The following SRGAP2B variants were observed in gnomAD, a reference collection of about 807,000 sequenced individuals.
The protein encoded by SRGAP2B is SLIT-ROBO Rho GTPase-activating protein 2B.
In SRGAP2B, 9 loss-of-function variants were observed where a neutral mutation model predicts 22.2. The observed-to-expected ratio is 0.41, with a 90% CI of 0.24 to 0.71. The LOEUF is 0.71. SRGAP2B is among the 30% of genes least tolerant of loss of function. The pLI, the probability that SRGAP2B is intolerant of heterozygous loss-of-function variation, is 0.35. For missense variants in SRGAP2B, 114 were observed against 235.8 expected (o/e 0.48, Z 3.38); for synonymous variants, 36 against 87.4 (o/e 0.41, Z 3.28).
At chr1:144,987,814 G>A (rs1195430988) in intron 3 of SRGAP2B, among the ~76,000 whole-genome samples, 1 of 150,850 alleles carries the variant, frequency 6.6e-6, no homozygotes, top group Non-Finnish European at 1.5e-5. Context: ...GTTATCTTTT[G>A]CAACACAAAA....
At chr1:144,920,212 T>C (rs1198616432) in intron 4 of SRGAP2B, among the ~76,000 whole-genome samples, 5 of 151,056 alleles carry the variant, frequency 3.3e-5, no homozygotes, top group Admixed American at 2.6e-4. Context: ...GCTTCACCTC[T>C]ACTTATGTGC....
intron 2 of SRGAP2B, among the ~76,000 whole-genome samples, chr1:145,010,902 C>T: frequency 8.4e-6 from 1 of 118,778 alleles, no homozygotes; most frequent in Admixed American, 8.8e-5. Flanking sequence ...CTCTTATTTT[C>T]CGTATCATCA....
intron 2 of SRGAP2B, among the ~76,000 whole-genome samples, chr1:144,995,654 TC>T (rs1368312118): frequency 2.9e-5 from 4 of 137,630 alleles, no homozygotes; most frequent in African/African-American, 1.2e-4. Flanking sequence ...AAGCTGGGAT[TC>T]AAACCCCAAG....
chr1:144,905,739 G>A, intron 6 of SRGAP2B, 120 bp downstream of exon 6: 2 of 704,720 alleles, frequency 2.8e-6, no homozygotes, highest in Non-Finnish European at 5.2e-6. Flanking sequence ...CAGTCATTAG[G>A]CACTAAAAGA....
chr1:145,009,013 A>G (rs1361757428), intron 2 of SRGAP2B, among the ~76,000 whole-genome samples: 2 of 144,808 alleles, frequency 1.4e-5, no homozygotes, highest in African/African-American at 5.3e-5. Flanking sequence ...CTACTAAAAA[A>G]AAAATACAAA....
At chr1:144,942,562 G>A (rs1469662259) in intron 4 of SRGAP2B, among the ~76,000 whole-genome samples, 2 of 150,754 alleles carry the variant, frequency 1.3e-5, no homozygotes, top group Non-Finnish European at 2.9e-5. Flanking sequence ...TGAGATTACA[G>A]GAATACACCA....
chr1:144,993,818 T>A (rs1670445100), intron 3 of SRGAP2B, among the ~76,000 whole-genome samples: 2 of 146,438 alleles, frequency 1.4e-5, no homozygotes, highest in Non-Finnish European at 3.0e-5. Context: ...GAAGATTAAC[T>A]CCGATCACAA....
intron 3 of SRGAP2B, among the ~76,000 whole-genome samples, chr1:144,967,332 G>T (rs1215731179): frequency 2.1e-4 from 19 of 88,486 alleles, no homozygotes; most frequent in African/African-American, 6.6e-4. Flanking sequence ...TCAGGATTAA[G>T]AATCTCACTC....
At chr1:144,974,969 G>T (rs1668787322) in intron 3 of SRGAP2B, among the ~76,000 whole-genome samples, 1 of 149,068 alleles carries the variant, frequency 6.7e-6, no homozygotes, top group South Asian at 2.1e-4. Context: ...AGCAGGCTTA[G>T]GAGAAACTGG....
At chr1:144,986,785 C>G (rs1669752314) in intron 3 of SRGAP2B, among the ~76,000 whole-genome samples, 2 of 148,632 alleles carry the variant, frequency 1.3e-5, no homozygotes, top group Non-Finnish European at 3.0e-5. Flanking sequence ...AAGCCCGAAC[C>G]CTGTCGCCTG....
intron 2 of SRGAP2B, among the ~76,000 whole-genome samples, chr1:145,017,419 G>T (rs1376471253): frequency 6.9e-6 from 1 of 145,108 alleles, no homozygotes; most frequent in East Asian, 2.0e-4. Context: ...TTGACTGGAT[G>T]AACCTGATTC....
intron 4 of SRGAP2B, among the ~76,000 whole-genome samples, chr1:144,941,067 T>G (rs1666003348): frequency 6.7e-6 from 1 of 148,816 alleles, no homozygotes; most frequent in African/African-American, 2.5e-5. Context: ...TGATTCCAAG[T>G]AATTATTATT....
At chr1:144,925,792 A>AAAGAAAG (rs1570756737) in intron 4 of SRGAP2B, among the ~76,000 whole-genome samples, 1 of 88,994 alleles carries the variant, frequency 1.1e-5, no homozygotes, top group Admixed American at 1.1e-4. Flanking sequence ...AGAAAGAAAG[A>AAAGAAAG]AAGGAGAGAG....
intron 4 of SRGAP2B, among the ~76,000 whole-genome samples, chr1:144,920,227 C>T (rs587731541): frequency 1.3e-5 from 2 of 151,068 alleles, no homozygotes; most frequent in South Asian, 2.1e-4. Flanking sequence ...ATGTGCTGTC[C>T]ACTATGATAT....
In SRGAP2B at chr1:145,006,346, C is replaced by T. The variant is rs1339439023; in HGVS notation, c.68-11146G>A. On this transcript the variant is annotated intron_variant, in intron 2 of 9. Transcript: ENST00000612199. ...AAGATGTCCCACAAGACCAAGCAAT[C>T]ATCCTCTCATGAAGCTATAGTCAAC... Among the ~76,000 whole-genome samples the T allele has an allele frequency of 7.8e-4, 117 of 150,784 alleles. 2 individuals are homozygous for T. The highest frequency in any genetic ancestry group is 3.4e-3 in the Middle Eastern group (1 of 292).
At chr1:144,927,091 A>C (rs1243662049) in intron 4 of SRGAP2B, among the ~76,000 whole-genome samples, 2 of 150,132 alleles carry the variant, frequency 1.3e-5, no homozygotes, top group Non-Finnish European at 3.0e-5. Context: ...CTGGGACTAC[A>C]GGTGCCCGCC....
chr1:144,962,953 C>G (rs1667787651), intron 3 of SRGAP2B, among the ~76,000 whole-genome samples: 1 of 151,468 alleles, frequency 6.6e-6, no homozygotes. Context: ...CATGGCTTTC[C>G]TGCTCCTAAA....
chr1:144,927,541 C>A (rs1358520904), intron 4 of SRGAP2B, among the ~76,000 whole-genome samples: 1 of 149,026 alleles, frequency 6.7e-6, no homozygotes, highest in Non-Finnish European at 1.5e-5. Flanking sequence ...GAAGATAATA[C>A]GTCTTTTTTA....
intron 2 of SRGAP2B, among the ~76,000 whole-genome samples, chr1:145,043,946 C>T (rs1159365662): frequency 1.1e-4 from 1 of 9,070 alleles, no homozygotes; most frequent in African/African-American, 5.4e-4. Context: ...AAGACTACAA[C>T]GGGGGTAGAG....
Sources: allele counts gnomAD v4.1 joint callset (sites outside exome capture counted in the v4.1 genomes callset), GRCh38; gene constraint gnomAD v4.1.1; transcripts MANE v1.5; gene names NCBI Gene and HGNC (gene_info 2026-07-23, HGNC 2026-07-21).